Variants in PPP1R14D observed in about 807,000 individuals in gnomAD.
PPP1R14D encodes the protein protein phosphatase 1 regulatory subunit 14D.
Under a neutral mutation model 17.1 loss-of-function variants are expected in PPP1R14D, and 14 were observed. The ratio of observed to expected loss-of-function variants is 0.82; its 90% CI spans 0.54 to 1.28. The LOEUF is 1.28. Among genes scored for constraint, PPP1R14D ranks in the 50% most tolerant of loss-of-function variants. The probability of loss-of-function intolerance (pLI) is 0.00; values close to 1 mark genes in which losing one functional copy is unlikely to be tolerated. For synonymous variants in PPP1R14D, 67 were observed against 66.1 expected (o/e 1.01, Z -0.06); for missense variants, 173 against 179.2 (o/e 0.97, Z 0.20).
At chr15:40,815,806 A>ACCCCCCCCCCCCCC in intron 3 of PPP1R14D, 45 bp from the exon 4 acceptor site, 1 of 1,534,292 alleles carries the variant, frequency 6.5e-7, no homozygotes, top group Non-Finnish European at 8.9e-7. Context: ...GTCACAATTC[A>ACCCCCCCCCCCCCC]CCCCCCACCC....
chr15:40,826,351 T>C (rs1480867861), intron 1 of PPP1R14D, among the ~76,000 whole-genome samples: 1 of 152,190 alleles, frequency 6.6e-6, no homozygotes, highest in Non-Finnish European at 1.5e-5. Flanking sequence ...AGATAGGATC[T>C]GAGTCAACAA....
intron 2 of PPP1R14D, 49 bp downstream of exon 2, chr15:40,816,121 G>A: frequency 1.2e-6 from 2 of 1,605,118 alleles, no homozygotes; most frequent in Non-Finnish European, 1.7e-6. Context: ...CAGAACCTGG[G>A]TTTCTGGGTT....
chr15:40,823,292 T>A (rs796470077), intron 1 of PPP1R14D, among the ~76,000 whole-genome samples: 9 of 151,698 alleles, frequency 5.9e-5, no homozygotes, highest in African/African-American at 2.2e-4. Context: ...ATTTTTTTGT[T>A]GAGTGGGGTC....
At position 40,828,479 on chromosome 15, in the gene PPP1R14D, T is replaced by A. The variant is rs2141991216; in HGVS notation, c.163A>T (p.Ser55Cys). The A allele has an allele frequency of 6.2e-7, 1 of 1,614,208 alleles. No homozygotes were observed. Among genetic ancestry groups the A allele is most frequent in the Non-Finnish European group, 8.5e-7 (1 of 1,180,024 alleles). ...SSKIPRSRRPSRLTVKYDRGQ... is the reference protein window; with the variant it reads ...SSKIPRSRRPCRLTVKYDRGQ... ...CGGTCATACTTCACTGTCAGGCGGC[T>A]GGGTCTCCGGGACCTGGGTATCTTG... Residue 55 changes from serine (S) to cysteine (C), a missense_variant, in exon 1 of 4, where the codon AGC becomes TGC. Transcript: ENST00000299174.
chr15:40,828,663 G>T lies in PPP1R14D; in HGVS notation c.-22C>A. 7 of 1,583,240 alleles carry T rather than the reference G, an allele frequency of 4.4e-6. No homozygotes were observed. Among genetic ancestry groups the T allele is most frequent in the Non-Finnish European group, 6.0e-6 (7 of 1,164,194 alleles). ...GCATGGAAGTATTGGTCTGGGCAAGGAGCTGGGAAAAACCGCCAGTTCTGA... is the reference window on the plus strand; with the variant it reads ...GCATGGAAGTATTGGTCTGGGCAAGTAGCTGGGAAAAACCGCCAGTTCTGA... On this transcript the variant is annotated 5_prime_UTR_variant, in exon 1 of 4. Coordinates refer to ENST00000299174, the MANE Select transcript of PPP1R14D (RefSeq NM_017726.8).
intron 1 of PPP1R14D, among the ~76,000 whole-genome samples, chr15:40,818,163 G>A (rs1283491686): frequency 9.1e-6 from 1 of 110,328 alleles, no homozygotes; most frequent in East Asian, 2.3e-4. Flanking sequence ...GGTGGTGGGT[G>A]CCTGTGTCCC....
chr15:40,822,786 T>A (rs1174203591), intron 1 of PPP1R14D, among the ~76,000 whole-genome samples: 1 of 151,306 alleles, frequency 6.6e-6, no homozygotes, highest in Non-Finnish European at 1.5e-5. Context: ...AAAATGACAT[T>A]TTGTTGTTGT....
chr15:40,819,474 G>A (rs542184924), intron 1 of PPP1R14D, among the ~76,000 whole-genome samples: 1 of 151,474 alleles, frequency 6.6e-6, no homozygotes, highest in Non-Finnish European at 1.5e-5. Flanking sequence ...GCTTGAACTC[G>A]GGAAGTGAGC....
At chr15:40,819,133 C>T (rs1890727022) in intron 1 of PPP1R14D, among the ~76,000 whole-genome samples, 1 of 152,156 alleles carries the variant, frequency 6.6e-6, no homozygotes, top group East Asian at 1.9e-4. Flanking sequence ...ACCCATTTTA[C>T]AGATGAAGAG....
intron 1 of PPP1R14D, among the ~76,000 whole-genome samples, chr15:40,827,173 A>T (rs1423543899): frequency 6.6e-6 from 1 of 152,232 alleles, no homozygotes; most frequent in African/African-American, 2.4e-5. Flanking sequence ...TGCTGACAAC[A>T]TAGTAGTCAC....
At chr15:40,823,547 T>C (rs944040236) in intron 1 of PPP1R14D, among the ~76,000 whole-genome samples, 4 of 152,214 alleles carry the variant, frequency 2.6e-5, no homozygotes, top group African/African-American at 9.6e-5. Flanking sequence ...GTGACCTATA[T>C]AGTTGTGCCA....
chr15:40,821,060 G>A (rs896816817), intron 1 of PPP1R14D, among the ~76,000 whole-genome samples: 6 of 150,984 alleles, frequency 4.0e-5, no homozygotes, highest in Non-Finnish European at 7.4e-5. Context: ...GAACCAGGCC[G>A]GGTGCCGTGG....
In PPP1R14D at chr15:40,816,218, C is replaced by T. The variant is rs764141141; in HGVS notation, c.291G>A (p.Leu97=). The change falls in exon 2 of 4, where the codon CTG becomes CTA. Residue 97 remains leucine (L), a synonymous_variant. Coordinates refer to ENST00000299174, the MANE Select transcript of PPP1R14D (RefSeq NM_017726.8). The stretch of plus-strand genomic sequence containing the variant: ...CTGTGGATAGATCCATGAGAGCTTC[C>T]AGGTCAATCTCAGGCTCAGAAGGGG... ...QATPSEPEID[L]EALMDLSTEE... 32 of 1,614,028 alleles carry T rather than the reference C, an allele frequency of 2.0e-5. No homozygotes were observed. Among genetic ancestry groups the T allele is most frequent in the Non-Finnish European group, 3.4e-6 (4 of 1,180,042 alleles).
In PPP1R14D at chr15:40,828,512, C is replaced by G; in HGVS notation, c.130G>C (p.Asp44His). 6.2e-7 allele frequency: 1 copy of G among 1,614,194 alleles called. No individual in the cohort carries two copies. The highest frequency in any genetic ancestry group is 8.5e-7 in the Non-Finnish European group (1 of 1,180,044). The change falls in exon 1 of 4, where the codon GAC becomes CAC. Residue 44 changes from aspartate to histidine, a missense_variant. Physicochemically the swap from Asp to His is moderately conservative, Grantham distance 81. Transcript: ENST00000299174. ...STDSESKSHP[D>H]SSKIPRSRRP... ...CGGGACCTGGGTATCTTGGAGGAGT[C>G]CGGGTGGGACTTGGACTCTGAGTCT...
At chr15:40,821,622 G>A (rs1309101405) in intron 1 of PPP1R14D, among the ~76,000 whole-genome samples, 9 of 152,036 alleles carry the variant, frequency 5.9e-5, no homozygotes, top group Admixed American at 5.9e-4. Flanking sequence ...GTGTGAGTGG[G>A]CATTATAATA....
At chr15:40,815,865 G>T in intron 3 of PPP1R14D, 97 bp downstream of exon 3, 1 of 1,462,654 alleles carries the variant, frequency 6.8e-7, no homozygotes, top group Admixed American at 1.8e-5. Flanking sequence ...GAAGGGAGAA[G>T]GACCCACAGC....
intron 1 of PPP1R14D, among the ~76,000 whole-genome samples, chr15:40,826,919 T>A (rs1426639411): frequency 6.6e-6 from 1 of 152,234 alleles, no homozygotes; most frequent in Non-Finnish European, 1.5e-5. Context: ...ATGTTATTCT[T>A]ATTGCTGGAA....
chr15:40,826,199 G>A (rs908995520), intron 1 of PPP1R14D, among the ~76,000 whole-genome samples: 5 of 152,104 alleles, frequency 3.3e-5, no homozygotes, highest in Admixed American at 2.6e-4. Context: ...TGCATCTTTG[G>A]TCAATACCTT....
intron 1 of PPP1R14D, among the ~76,000 whole-genome samples, chr15:40,820,406 A>C (rs1596126496): frequency 6.8e-6 from 1 of 146,986 alleles, no homozygotes; most frequent in Non-Finnish European, 1.5e-5. Context: ...TGATCCACCC[A>C]CCTCAGCCTC....
Sources: allele counts gnomAD v4.1 joint callset (sites outside exome capture counted in the v4.1 genomes callset), GRCh38; gene constraint gnomAD v4.1.1; transcripts MANE v1.5; gene names NCBI Gene and HGNC (gene_info 2026-07-23, HGNC 2026-07-21).